The following PIGP variants were observed in gnomAD, a reference collection of about 807,000 sequenced individuals.
PIGP encodes phosphatidylinositol glycan anchor biosynthesis class P.
Under a neutral mutation model 16.9 loss-of-function variants are expected in PIGP, and 12 were observed. That is an observed-to-expected ratio of 0.71 (90% CI 0.46 to 1.15). The LOEUF (loss-of-function observed/expected upper bound fraction) is 1.15, where lower values mean the gene tolerates loss of function less well. Among genes scored for constraint, PIGP ranks in the 50% most tolerant of loss-of-function variants. The pLI, the probability that PIGP is intolerant of heterozygous loss-of-function variation, is 0.00. For missense variants in PIGP, 159 were observed against 153.5 expected (o/e 1.04, Z -0.19); for synonymous variants, 57 against 54.7 (o/e 1.04, Z -0.18).
intron 2 of PIGP, chr21:37,072,184 C>G: frequency 6.7e-7 from 1 of 1,500,120 alleles, no homozygotes; most frequent in Non-Finnish European, 9.3e-7. Context: ...TCCTTAAGGG[C>G]AGGGACCAGG....
intron 2 of PIGP, chr21:37,072,232 A>G (rs752971706): frequency 1.5e-5 from 24 of 1,611,954 alleles, no homozygotes; most frequent in South Asian, 2.2e-5. Flanking sequence ...TGCTGTATAA[A>G]TATTTGTAGA....
intron 2 of PIGP, among the ~76,000 whole-genome samples, chr21:37,070,693 T>A (rs2069989620): frequency 6.6e-6 from 1 of 152,246 alleles, no homozygotes; most frequent in Non-Finnish European, 1.5e-5. Context: ...TGGTCCTTCC[T>A]GGCCTGTAAC....
At position 37,065,743 on chromosome 21, in the gene PIGP, C is replaced by T. The variant is rs367953153; in HGVS notation, c.275-31G>A. The stretch of plus-strand genomic sequence containing the variant: ...AGAAAAGACCAAAAAGCTCTGTTTA[C>T]CTAAGCAATTTCTTCTACAGTCTCT... On this transcript the variant is annotated intron_variant, in intron 4 of 4. Transcript: ENST00000360525. The T allele has an allele frequency of 1.1e-5, 18 of 1,605,208 alleles. No individual in the cohort carries two copies. The African/African-American group carries it at 1.5e-4, about 13-fold the overall frequency.
intron 3 of PIGP, 67 bp downstream of exon 3, chr21:37,069,485 A>T: frequency 1.0e-6 from 1 of 956,588 alleles, no homozygotes; most frequent in Non-Finnish European, 1.6e-6. Flanking sequence ...GGGTAGGTTT[A>T]AGAAATGATA....
At chr21:37,067,782 T>G (rs1444185882) in intron 3 of PIGP, among the ~76,000 whole-genome samples, 1 of 152,204 alleles carries the variant, frequency 6.6e-6, no homozygotes, top group Non-Finnish European at 1.5e-5. Flanking sequence ...AGCAGCAGGT[T>G]TTAGAAATAA....
intron 3 of PIGP, among the ~76,000 whole-genome samples, chr21:37,068,084 C>G (rs770336526): frequency 2.6e-5 from 4 of 151,630 alleles, no homozygotes; most frequent in Non-Finnish European, 4.4e-5. Context: ...TCACAGATCA[C>G]TAGCCTCAAT....
chr21:37,071,881 C>G (rs1374864242), intron 2 of PIGP, among the ~76,000 whole-genome samples: 2 of 152,200 alleles, frequency 1.3e-5, no homozygotes, highest in African/African-American at 4.8e-5. Context: ...ACACACCTTT[C>G]AACCCGACTT....
At chr21:37,070,640 G>T (rs539533626) in intron 2 of PIGP, among the ~76,000 whole-genome samples, 1 of 152,042 alleles carries the variant, frequency 6.6e-6, no homozygotes, top group Non-Finnish European at 1.5e-5. Flanking sequence ...ATCTCCCCCC[G>T]GCATGAGAAT....
At chr21:37,067,552 C>G (rs113850523) in intron 3 of PIGP, among the ~76,000 whole-genome samples, 172 bp from the exon 4 acceptor site, 18 of 152,302 alleles carry the variant, frequency 1.2e-4, no homozygotes, top group African/African-American at 4.3e-4. Flanking sequence ...AGTCCTCTAT[C>G]CCACCATCCC....
At chr21:37,072,900 C>A (rs2070218299) in intron 1 of PIGP, 100 bp downstream of exon 1, 2 of 344,234 alleles carry the variant, frequency 5.8e-6, no homozygotes, top group South Asian at 8.6e-5. Context: ...CCTGCCCATT[C>A]GTGGAGACTT....
At chr21:37,067,154 G>A (rs988339001) in intron 4 of PIGP, 108 bp downstream of exon 4, 12 of 676,800 alleles carry the variant, frequency 1.8e-5, no homozygotes, top group Middle Eastern at 2.7e-4. Flanking sequence ...TTACAGACGC[G>A]CACCACCAAC....
chr21:37,067,414 A>G, intron 3 of PIGP, 34 bp from the exon 4 acceptor site: 2 of 1,191,962 alleles, frequency 1.7e-6, no homozygotes, highest in Non-Finnish European at 2.5e-6. Flanking sequence ...CATAATAGAC[A>G]CTTTAAAAAA....
intron 2 of PIGP, 105 bp downstream of exon 2, chr21:37,072,329 G>A (rs1252818692): frequency 1.4e-5 from 22 of 1,596,720 alleles, no homozygotes; most frequent in Non-Finnish European, 1.8e-5. Context: ...GAGACATAGG[G>A]AGAAAGAATC....
At chr21:37,066,971 CGTGT>C (rs56940945) in intron 4 of PIGP, among the ~76,000 whole-genome samples, 6,168 of 143,688 alleles carry the variant, frequency 0.043, 269 homozygotes, top group African/African-American at 0.12. Context: ...TTTTACTGTC[CGTGT>C]GTGTGTGTGT....
intron 1 of PIGP, chr21:37,072,794 C>T (rs891822219): frequency 8.8e-6 from 5 of 571,210 alleles, no homozygotes; most frequent in African/African-American, 5.9e-5. Context: ...GCTCTGCAAG[C>T]GTGGCCTCCC....
intron 2 of PIGP, 97 bp downstream of exon 2, chr21:37,072,337 A>T: frequency 6.3e-7 from 1 of 1,596,922 alleles, no homozygotes; most frequent in Non-Finnish European, 8.5e-7. Flanking sequence ...GGGAGAAAGA[A>T]TCAACAGTTC....
chr21:37,070,214 C>A (rs558576741), intron 2 of PIGP, among the ~76,000 whole-genome samples: 1 of 152,158 alleles, frequency 6.6e-6, no homozygotes, highest in Admixed American at 6.5e-5. Flanking sequence ...TCCTCCAAGG[C>A]AAGTATGCAA....
chr21:37,067,444 G>A (rs369346890), intron 3 of PIGP, 64 bp from the exon 4 acceptor site: 34 of 877,378 alleles, frequency 3.9e-5, no homozygotes, highest in African/African-American at 1.7e-4. Flanking sequence ...CTCAAGAGTC[G>A]GTCACAAAGC....
intron 2 of PIGP, among the ~76,000 whole-genome samples, 180 bp from the exon 3 acceptor site, chr21:37,069,804 C>T (rs1301262416): frequency 1.3e-5 from 2 of 152,042 alleles, no homozygotes; most frequent in Non-Finnish European, 2.9e-5. Flanking sequence ...TCTTATAATA[C>T]TTATAATTAC....
Sources: gnomAD v4.1 joint callset for allele counts (sites outside exome capture counted in the v4.1 genomes callset) on GRCh38, gnomAD v4.1.1 for gene constraint, MANE v1.5 for transcripts, NCBI Gene and HGNC (gene_info 2026-07-23, HGNC 2026-07-21) for gene names.